The following WLS variants were observed in gnomAD, a reference collection of about 807,000 sequenced individuals.
WLS encodes protein wntless homolog.
A neutral mutation model predicts 62.8 loss-of-function variants in WLS; 23 were observed. The observed-to-expected ratio is 0.37, with a 90% CI of 0.26 to 0.52. WLS has a LOEUF of 0.52. Among genes scored for constraint, WLS ranks in the 20% least tolerant of loss-of-function variants. The pLI is 0.92. For missense variants in WLS, 615 were observed against 697.3 expected (o/e 0.88, Z 1.33); for synonymous variants, 246 against 244.1 (o/e 1.01, Z -0.07).
intron 11 of WLS, among the ~76,000 whole-genome samples, chr1:68,119,238 G>A (rs2100353663): frequency 6.6e-6 from 1 of 152,104 alleles, no homozygotes; most frequent in African/African-American, 2.4e-5. Flanking sequence ...TATTTTCTAT[G>A]TATAATACAA....
intron 1 of WLS, among the ~76,000 whole-genome samples, chr1:68,213,665 G>C (rs1408483781): frequency 6.6e-6 from 1 of 151,844 alleles, no homozygotes; most frequent in Non-Finnish European, 1.5e-5. Flanking sequence ...ATACTTTAAA[G>C]GCCCATACCA....
chr1:68,162,576 G>C, intron 2 of WLS: 1 of 1,535,736 alleles, frequency 6.5e-7, no homozygotes, highest in East Asian at 2.2e-5. Flanking sequence ...CCGATCCCGA[G>C]GCCAACTCGC....
intron 1 of WLS, among the ~76,000 whole-genome samples, chr1:68,216,759 G>T (rs905204395): frequency 5.3e-5 from 8 of 152,238 alleles, no homozygotes; most frequent in African/African-American, 1.9e-4. Flanking sequence ...GAGGGTTAAT[G>T]GTTTTCATAT....
At chr1:68,158,087 C>T (rs890000999) in intron 3 of WLS, among the ~76,000 whole-genome samples, 6 of 152,210 alleles carry the variant, frequency 3.9e-5, no homozygotes, top group Admixed American at 2.6e-4. Flanking sequence ...ATTTAGCACT[C>T]AGCAGAGGGT....
chr1:68,162,172 T>C (rs796260405), intron 2 of WLS: 1 of 1,446,228 alleles, frequency 6.9e-7, no homozygotes, highest in South Asian at 1.1e-5. Flanking sequence ...CAACGGACCC[T>C]GAGCAAAGCT....
intron 5 of WLS, 45 bp downstream of exon 5, chr1:68,153,472 T>C: frequency 6.2e-7 from 1 of 1,611,398 alleles, no homozygotes; most frequent in Non-Finnish European, 8.5e-7. Flanking sequence ...TGGCAGATCA[T>C]GAGAAGCCAG....
intron 2 of WLS, chr1:68,162,973 C>T: frequency 1.3e-6 from 2 of 1,594,600 alleles, no homozygotes; most frequent in Non-Finnish European, 1.7e-6. Flanking sequence ...TCGCGGCCGT[C>T]CAGCAGCGCC....
intron 11 of WLS, among the ~76,000 whole-genome samples, chr1:68,115,793 T>C (rs1208667312): frequency 1.3e-5 from 2 of 152,220 alleles, no homozygotes; most frequent in African/African-American, 4.8e-5. Context: ...AAGTTAAAAT[T>C]TTTGTATGAG....
chr1:68,147,897 G>A lies in WLS; in HGVS notation c.1134+239C>T, dbSNP rs112712319. ...CAGGCTGCAGTAAGCCTAGCAACTC[G>A]GATCCCTCTGCTGTGAGGATAGGCT... On this transcript the variant is annotated intron_variant, in intron 8 of 11. Coordinates refer to ENST00000262348, the MANE Select transcript of WLS (RefSeq NM_024911.7). Among the ~76,000 whole-genome samples the A allele has an allele frequency of 2.8e-4, 42 of 152,306 alleles. 1 individual carries two copies. The highest frequency in any genetic ancestry group is 9.6e-4 in the African/African-American group (40 of 41,558).
chr1:68,214,204 C>A (rs990769873), intron 1 of WLS, among the ~76,000 whole-genome samples: 1 of 151,976 alleles, frequency 6.6e-6, no homozygotes, highest in Admixed American at 6.6e-5. Context: ...CACACACACA[C>A]ACACACCCCA....
At chr1:68,146,847 G>A (rs1646758721) in intron 8 of WLS, among the ~76,000 whole-genome samples, 2 of 152,028 alleles carry the variant, frequency 1.3e-5, no homozygotes, top group Admixed American at 1.3e-4. Flanking sequence ...GAAGGCAGAT[G>A]ACCTGATTCC....
At chr1:68,130,835 A>G (rs1009556156) in intron 11 of WLS, among the ~76,000 whole-genome samples, 4 of 151,472 alleles carry the variant, frequency 2.6e-5, no homozygotes, top group Non-Finnish European at 5.9e-5. Flanking sequence ...ACATAGAAAG[A>G]TCTTAACCAA....
intron 2 of WLS, chr1:68,162,964 C>T (rs1364973021): frequency 5.0e-6 from 8 of 1,594,750 alleles, no homozygotes; most frequent in East Asian, 2.2e-5. Context: ...ACAGTGCAGT[C>T]GCGGCCGTCC....
At chr1:68,174,499 A>G (rs1647202227) in intron 2 of WLS, among the ~76,000 whole-genome samples, 1 of 152,140 alleles carries the variant, frequency 6.6e-6, no homozygotes, top group African/African-American at 2.4e-5. Flanking sequence ...ATAATACTAT[A>G]AAGAAGGTGG....
chr1:68,099,731 T>C (rs1024386559), intron 11 of WLS: 2 of 152,240 alleles, frequency 1.3e-5, no homozygotes, highest in Non-Finnish European at 2.9e-5. Flanking sequence ...TTTTTTAGAA[T>C]ATTTCCAATC....
At chr1:68,168,756 A>G (rs1647100682) in intron 2 of WLS, among the ~76,000 whole-genome samples, 1 of 152,230 alleles carries the variant, frequency 6.6e-6, no homozygotes, top group Non-Finnish European at 1.5e-5. Flanking sequence ...AAGAGGCCAC[A>G]GAGACAAATC....
intron 11 of WLS, among the ~76,000 whole-genome samples, chr1:68,106,058 CTCGCTCT>C (rs1646138809): frequency 6.6e-6 from 1 of 151,902 alleles, no homozygotes; most frequent in Non-Finnish European, 1.5e-5. Flanking sequence ...AATCAAGTAC[CTCGCTCT>C]GAAATTTCAG....
intron 2 of WLS, chr1:68,186,700 T>A (rs1647965016): frequency 2.2e-6 from 1 of 454,624 alleles, no homozygotes; most frequent in South Asian, 1.6e-5. Context: ...AAGTAGAGAG[T>A]CTCATGCATT....
chr1:68,223,069 T>C (rs1650006678), intron 1 of WLS, among the ~76,000 whole-genome samples: 1 of 152,164 alleles, frequency 6.6e-6, no homozygotes. Context: ...ACCATACTTC[T>C]ACAAGTCTGT....
Sources: gnomAD v4.1 joint callset for allele counts (sites outside exome capture counted in the v4.1 genomes callset) on GRCh38, gnomAD v4.1.1 for gene constraint, MANE v1.5 for transcripts, NCBI Gene and HGNC (gene_info 2026-07-23, HGNC 2026-07-21) for gene names.